NCAM2: variants seen among roughly 807,000 people sequenced by gnomAD.
NCAM2 encodes N-CAM-2.
A neutral mutation model predicts 98.1 loss-of-function variants in NCAM2; 30 were observed. That is an observed-to-expected ratio of 0.31 (90% confidence interval 0.23 to 0.41). The LOEUF (loss-of-function observed/expected upper bound fraction) is 0.41. Among genes scored for constraint, NCAM2 ranks in the 10% least tolerant of loss-of-function variants. The pLI is 1.00. For synonymous variants in NCAM2, 368 were observed against 342.4 expected, an observed-to-expected ratio of 1.07 and a Z score of -0.83; for missense variants, 867 against 1,005.8, an observed-to-expected ratio of 0.86 and a Z score of 1.87.
intron 16 of NCAM2, among the ~76,000 whole-genome samples, chr21:21,522,632 C>CTTTTTCTT (rs112708539): frequency 8.8e-5 from 11 of 124,740 alleles, no homozygotes; most frequent in African/African-American, 1.2e-4. Flanking sequence ...TTTTCTTTTT[C>CTTTTTCTT]TTTTTTTTTT....
intron 5 of NCAM2, among the ~76,000 whole-genome samples, chr21:21,320,044 A>G (rs1387258200): frequency 6.6e-6 from 1 of 152,178 alleles, no homozygotes; most frequent in Non-Finnish European, 1.5e-5. Context: ...TACTATATAA[A>G]GCCTTTACTG....
chr21:21,044,884 T>C (rs949125931), intron 1 of NCAM2, among the ~76,000 whole-genome samples: 1 of 152,104 alleles, frequency 6.6e-6, no homozygotes, highest in Non-Finnish European at 1.5e-5. Context: ...GAGGATCCCT[T>C]GAGCCCAGAG....
intron 3 of NCAM2, 51 bp from the exon 4 acceptor site, chr21:21,286,218 T>C (rs1290996769): frequency 4.8e-6 from 7 of 1,449,714 alleles, no homozygotes; most frequent in Admixed American, 2.4e-5. Flanking sequence ...AAATAAGCAA[T>C]GATACTTTTG....
chr21:21,347,463 C>A (rs1004078011), intron 8 of NCAM2, among the ~76,000 whole-genome samples: 2 of 151,712 alleles, frequency 1.3e-5, no homozygotes, highest in Non-Finnish European at 3.0e-5. Flanking sequence ...AGGAAGAAAT[C>A]CAAAACCTGA....
At chr21:21,360,737 A>G (rs1179004344) in intron 8 of NCAM2, among the ~76,000 whole-genome samples, 1 of 151,638 alleles carries the variant, frequency 6.6e-6, no homozygotes, top group East Asian at 1.9e-4. Flanking sequence ...GGTTTAATTT[A>G]CTTTTCTCCT....
rs184079472 is a variant in NCAM2 at position 21,136,719 on chromosome 21, C to G, written c.55+138101C>G. ...CTGAGCTCAGACAGTCTGCCCGCCTCAGTCCCTCAAAGTGCTAGGATTACA... is the reference window on the plus strand; with the variant it reads ...CTGAGCTCAGACAGTCTGCCCGCCTGAGTCCCTCAAAGTGCTAGGATTACA... On this transcript the variant is annotated intron_variant, in intron 1 of 17. Coordinates refer to ENST00000400546, the MANE Select transcript of NCAM2 (RefSeq NM_004540.5). Among the ~76,000 whole-genome samples, 3 of 151,738 alleles carry G rather than the reference C, an allele frequency of 2.0e-5. No individual in the cohort carries two copies. The East Asian group carries it at 5.8e-4, about 30-fold the overall frequency.
At chr21:21,060,393 CAG>C (rs1210832563) in intron 1 of NCAM2, among the ~76,000 whole-genome samples, 4 of 152,084 alleles carry the variant, frequency 2.6e-5, no homozygotes, top group Admixed American at 2.6e-4. Context: ...CTAAATCTTC[CAG>C]ATTCTGGTAG....
At chr21:21,113,127 C>A (rs992208939) in intron 1 of NCAM2, among the ~76,000 whole-genome samples, 2 of 152,248 alleles carry the variant, frequency 1.3e-5, no homozygotes, top group East Asian at 1.9e-4. Context: ...ATATAGCTTT[C>A]GGGGTTCTGT....
intron 1 of NCAM2, among the ~76,000 whole-genome samples, chr21:21,249,646 T>G (rs1175828915): frequency 6.6e-6 from 1 of 151,968 alleles, no homozygotes; most frequent in African/African-American, 2.4e-5. Context: ...AGTACTTTCT[T>G]TAGCAGACAA....
intron 1 of NCAM2, among the ~76,000 whole-genome samples, chr21:21,264,900 A>ATATATATGTGTATG (rs2072083221): frequency 2.6e-5 from 1 of 37,810 alleles, no homozygotes; most frequent in Non-Finnish European, 4.3e-5. Context: ...ATGTGTGTGT[A>ATATATATGTGTATG]TATATATACA....
chr21:21,535,445 T>G (rs995827365), intron 17 of NCAM2, among the ~76,000 whole-genome samples: 2 of 152,134 alleles, frequency 1.3e-5, no homozygotes, highest in African/African-American at 4.8e-5. Flanking sequence ...CCTAATATTT[T>G]CTTGCAGAGT....
At chr21:21,366,323 C>G (rs1412055331) in intron 8 of NCAM2, among the ~76,000 whole-genome samples, 1 of 152,032 alleles carries the variant, frequency 6.6e-6, no homozygotes, top group Non-Finnish European at 1.5e-5. Flanking sequence ...AACAACCTCT[C>G]ATTTGTCTGT....
chr21:21,480,366 CAAAAA>C lies in NCAM2; in HGVS notation c.2077+2912_2077+2916del, dbSNP rs59203448. 2.1e-4 allele frequency among the ~76,000 whole-genome samples: 15 copies of C among 69,944 alleles called. No homozygotes were observed. In the South Asian group the frequency reaches 7.2e-3, roughly 33 times the overall value. The allele number at this position is 69,944 out of a possible 152,430, so 45.9% of individuals were successfully genotyped here. A position where few individuals can be genotyped will look rare whatever the true frequency, so the allele number is the denominator to read the frequency against. ...TGGGCGACAGAGCGAGACTCCATCT[CAAAAA>C]AAAAAAAAAAAAAAAAGAATAACTG... On this transcript the variant is annotated intron_variant, in intron 15 of 17. Coordinates refer to ENST00000400546, the MANE Select transcript of NCAM2 (RefSeq NM_004540.5).
chr21:21,308,070 T>TACACAC (rs71195319), intron 5 of NCAM2, among the ~76,000 whole-genome samples: 61,627 of 150,902 alleles, frequency 0.41, 13,735 homozygotes, highest in Non-Finnish European at 0.52. Flanking sequence ...CATACACACA[T>TACACAC]ACACACACAC....
chr21:21,423,239 T>C (rs2077147897), intron 11 of NCAM2, among the ~76,000 whole-genome samples: 1 of 152,188 alleles, frequency 6.6e-6, no homozygotes, highest in Admixed American at 6.5e-5. Context: ...TCAGGTAGTA[T>C]GTCCAGCCCC....
intron 1 of NCAM2, among the ~76,000 whole-genome samples, chr21:21,227,661 A>T (rs1284511213): frequency 6.6e-6 from 1 of 151,794 alleles, no homozygotes; most frequent in African/African-American, 2.4e-5. Context: ...GAGGTGGTTT[A>T]TTTCTCTAGC....
chr21:21,089,432 A>C (rs2065969086), intron 1 of NCAM2, among the ~76,000 whole-genome samples: 1 of 152,174 alleles, frequency 6.6e-6, no homozygotes, highest in Non-Finnish European at 1.5e-5. Flanking sequence ...AATCAAACCC[A>C]CAATACAAAA....
chr21:21,054,522 C>T (rs376396818), intron 1 of NCAM2, among the ~76,000 whole-genome samples: 1 of 151,840 alleles, frequency 6.6e-6, no homozygotes, highest in Admixed American at 6.6e-5. Flanking sequence ...ACCATAGACT[C>T]GATAATATCT....
At chr21:21,169,130 C>A (rs1004109205) in intron 1 of NCAM2, among the ~76,000 whole-genome samples, 1 of 152,106 alleles carries the variant, frequency 6.6e-6, no homozygotes, top group Non-Finnish European at 1.5e-5. Context: ...CAGAAGTAGA[C>A]CCACATCATT....
Sources: gnomAD v4.1 joint callset for allele counts (sites outside exome capture counted in the v4.1 genomes callset) on GRCh38, gnomAD v4.1.1 for gene constraint, MANE v1.5 for transcripts, NCBI Gene and HGNC (gene_info 2026-07-23, HGNC 2026-07-21) for gene names.